Variants in HSPA9 observed in about 807,000 individuals in gnomAD.
HSPA9 encodes heat shock protein family A (Hsp70) member 9.
A neutral mutation model predicts 81.5 loss-of-function variants in HSPA9; 28 were observed. That is an observed-to-expected ratio of 0.34 (90% CI 0.25 to 0.47). HSPA9 has a LOEUF of 0.47. HSPA9 is among the 20% of genes least tolerant of loss of function. The pLI is 1.00. For synonymous variants in HSPA9, 293 were observed against 290.4 expected (o/e 1.01, Z -0.09); for missense variants, 678 against 838.0 (o/e 0.81, Z 2.36).
At chr5:138,575,149 A>G in intron 1 of HSPA9, 89 bp downstream of exon 1, 1 of 890,186 alleles carries the variant, frequency 1.1e-6, no homozygotes, top group South Asian at 1.4e-5. Flanking sequence ...GAGAATTCAA[A>G]CCCTAAAGGG....
intron 3 of HSPA9, 121 bp from the exon 4 acceptor site, chr5:138,571,262 C>T: frequency 1.1e-6 from 1 of 938,848 alleles, no homozygotes; most frequent in Non-Finnish European, 1.7e-6. Flanking sequence ...CTCACTGCAA[C>T]CTCCGCATCC....
Position 138,556,457 on chromosome 5 carries a change from T to G in HSPA9, c.1957A>C (p.Lys653Gln). Reference sequence around the variant, plus strand: ...ATCCACTTCAGCCCTTGTACCTTTTTGTATGCCATTTCGAACAGCTTCAGT... The same window carrying G: ...ATCCACTTCAGCCCTTGTACCTTTTGGTATGCCATTTCGAACAGCTTCAGT... ...ASLKLFEMAY[K>Q]KMASEREGSG... The change falls in exon 16 of 17, where the codon AAA becomes CAA. Residue 653 changes from lysine to glutamine, a missense_variant. This residue lies in a region of HSPA9 where 100 missense variants were observed against 99.5 expected (regional missense o/e 1.00). Coordinates refer to ENST00000297185, the MANE Select transcript of HSPA9 (RefSeq NM_004134.7). 1 of 1,613,668 alleles carries G rather than the reference T, an allele frequency of 6.2e-7. No individual in the cohort carries two copies. The highest frequency in any genetic ancestry group is 8.5e-7 in the Non-Finnish European group (1 of 1,180,026).
chr5:138,558,007 A>G (rs1212308535), intron 12 of HSPA9, 21 bp from the exon 13 acceptor site: 1 of 1,487,122 alleles, frequency 6.7e-7, no homozygotes. Context: ...TAATATCCAG[A>G]GTAAGGTCCT....
intron 7 of HSPA9, 144 bp from the exon 8 acceptor site, chr5:138,567,307 G>C (rs1047325962): frequency 4.9e-5 from 47 of 966,068 alleles, no homozygotes; most frequent in Admixed American, 2.2e-5. Flanking sequence ...TGGCCCAAAA[G>C]AAAAGAAAAG....
chr5:138,556,747 CTTGAG>C (rs777122844), intron 15 of HSPA9, 22 bp downstream of exon 15: 2 of 1,585,036 alleles, frequency 1.3e-6, no homozygotes, highest in Non-Finnish European at 1.7e-6. Context: ...TGTTCAACCT[CTTGAG>C]TTACTTTAAA....
At chr5:138,567,273 A>T in intron 7 of HSPA9, 110 bp from the exon 8 acceptor site, 1 of 1,047,530 alleles carries the variant, frequency 9.5e-7, no homozygotes, top group Non-Finnish European at 1.4e-6. Flanking sequence ...TATTTCCCTG[A>T]GATATGTACT....
intron 11 of HSPA9, 147 bp downstream of exon 11, chr5:138,559,717 C>T: frequency 1.5e-6 from 1 of 678,466 alleles, no homozygotes; most frequent in Non-Finnish European, 2.7e-6. Flanking sequence ...ACAGGATTCT[C>T]ACCACCCACA....
In HSPA9 at chr5:138,557,171, A is replaced by G. The variant is rs947231880; in HGVS notation, c.1728+231T>C. ...TTTTCTCTTACCCACAACCTATGACATGTCCAAACTCTCCCACTTTCTTGT... is the reference window on the plus strand; with the variant it reads ...TTTTCTCTTACCCACAACCTATGACGTGTCCAAACTCTCCCACTTTCTTGT... On this transcript the variant is annotated intron_variant, in intron 14 of 16. Transcript: ENST00000297185. 1.1e-4 allele frequency: 69 copies of G among 612,714 alleles called. 1 individual carries two copies. The Admixed American group carries it at 2.0e-3, about 17-fold the overall frequency. 38.0% of individuals were successfully genotyped at this position (612,714 alleles called of 1,614,324 possible). A position where few individuals can be genotyped will look rare whatever the true frequency, so the allele number is the denominator to read the frequency against.
chr5:138,574,354 T>C (rs1439544433), intron 1 of HSPA9, among the ~76,000 whole-genome samples: 1 of 152,234 alleles, frequency 6.6e-6, no homozygotes, highest in Non-Finnish European at 1.5e-5. Flanking sequence ...GAAATTTTTG[T>C]GGTGGGGGCT....
intron 15 of HSPA9, 70 bp downstream of exon 15, chr5:138,556,704 G>A: frequency 6.4e-7 from 1 of 1,562,924 alleles, no homozygotes; most frequent in East Asian, 2.2e-5. Context: ...AAAACCCACA[G>A]AAAAATAAAC....
intron 7 of HSPA9, 75 bp from the exon 8 acceptor site, chr5:138,567,238 A>G (rs976501223): frequency 7.0e-6 from 9 of 1,292,144 alleles, no homozygotes; most frequent in Non-Finnish European, 9.9e-6. Flanking sequence ...ATAAATTTCA[A>G]TAACCAAATA....
At position 138,555,794 on chromosome 5, in the gene HSPA9, T is replaced by A. The variant is rs1750506974; in HGVS notation, c.*243A>T. 1.8e-6 allele frequency: 1 copy of A among 556,232 alleles called. No homozygotes were observed. The highest frequency in any genetic ancestry group is 2.1e-5 in the South Asian group (1 of 47,046). The allele number at this position is 556,232 out of a possible 1,614,324, so 34.5% of individuals were successfully genotyped here. On this transcript the variant is annotated 3_prime_UTR_variant, in exon 17 of 17. Transcript: ENST00000297185. The stretch of plus-strand genomic sequence containing the variant: ...AATGATCAATTCATCCTACCTCCTT[T>A]TACATGCAGCTGAAAAATGACAGGC...
In HSPA9 at chr5:138,562,442, T is replaced by A. The variant is rs190778717; in HGVS notation, c.973-653A>T. Among the ~76,000 whole-genome samples the A allele has an allele frequency of 3.5e-3, 536 of 151,762 alleles. 4 individuals carry two copies. Among genetic ancestry groups the A allele is most frequent in the African/African-American group, 0.012 (496 of 41,414 alleles). ...GGCACATGCCTGTAATCCCAGCTACTTGGGAGGCTGAGGCAGGAGAATCGC... is the reference window on the plus strand; with the variant it reads ...GGCACATGCCTGTAATCCCAGCTACATGGGAGGCTGAGGCAGGAGAATCGC... On this transcript the variant is annotated intron_variant, in intron 9 of 16. Transcript: ENST00000297185.
chr5:138,566,783 A>T, intron 8 of HSPA9, 65 bp from the exon 9 acceptor site: 1 of 1,300,404 alleles, frequency 7.7e-7, no homozygotes, highest in Non-Finnish European at 1.1e-6. Context: ...AACTGCAGTA[A>T]TAAGGTGGAA....
At chr5:138,567,836 T>C in intron 5 of HSPA9, 114 bp from the exon 6 acceptor site, 1 of 786,004 alleles carries the variant, frequency 1.3e-6, no homozygotes, top group Non-Finnish European at 2.2e-6. Context: ...AGTCTTTTGG[T>C]AAGTGACCTA....
chr5:138,553,879 G>A lies in HSPA9; in HGVS notation c.*2158C>T, dbSNP rs1315890639. ...GAATTGGAGATTGCTCTGCTTTGAT[G>A]TGAGTGGACATCATCTAATCAGTTA... On this transcript the variant is annotated 3_prime_UTR_variant, in exon 17 of 17. Coordinates refer to ENST00000297185, the MANE Select transcript of HSPA9 (RefSeq NM_004134.7). 6.6e-6 allele frequency among the ~76,000 whole-genome samples: 1 copy of A among 152,202 alleles called. No individual in the cohort carries two copies. The highest frequency in any genetic ancestry group is 2.1e-4 in the South Asian group (1 of 4,830).
chr5:138,573,338 C>G (rs909881158), intron 3 of HSPA9, among the ~76,000 whole-genome samples: 1 of 152,062 alleles, frequency 6.6e-6, no homozygotes, highest in Non-Finnish European at 1.5e-5. Flanking sequence ...CAGCCCTGAT[C>G]TATAGTTATG....
chr5:138,558,534 A>G lies in HSPA9; in HGVS notation c.1515+19T>C, dbSNP rs377032284. The G allele has an allele frequency of 1.2e-5, 17 of 1,426,058 alleles. 1 individual carries two copies. Among genetic ancestry groups the G allele is most frequent in the African/African-American group, 1.4e-5 (1 of 71,310 alleles). 88.3% of individuals were successfully genotyped at this position (1,426,058 alleles called of 1,614,324 possible). On this transcript the variant is annotated intron_variant, in intron 12 of 16. Transcript: ENST00000297185. Reference sequence around the variant, plus strand: ...TTACAGTGAAGGAGGCATAGTATTCAGGATTCACAATAACCTACCAAAGTA... The same window carrying G: ...TTACAGTGAAGGAGGCATAGTATTCGGGATTCACAATAACCTACCAAAGTA...
In HSPA9 at chr5:138,554,079, T is replaced by C. The variant is rs1226444701; in HGVS notation, c.*1958A>G. Among the ~76,000 whole-genome samples the C allele has an allele frequency of 6.6e-6, 1 of 152,208 alleles. No homozygotes were observed. The highest frequency in any genetic ancestry group is 1.9e-4 in the East Asian group (1 of 5,204). ...CCAGTTTCTTTCTTACAGTAAATCTTATTCTAGATATATATCCTATTGGCT... is the reference window on the plus strand; with the variant it reads ...CCAGTTTCTTTCTTACAGTAAATCTCATTCTAGATATATATCCTATTGGCT... On this transcript the variant is annotated 3_prime_UTR_variant, in exon 17 of 17. Transcript: ENST00000297185.
Sources: gnomAD v4.1 joint callset for allele counts (sites outside exome capture counted in the v4.1 genomes callset) on GRCh38, gnomAD v4.1.1 for gene constraint, gnomAD v4.1.1 regional missense constraint, MANE v1.5 for transcripts, NCBI Gene and HGNC (gene_info 2026-07-23, HGNC 2026-07-21) for gene names.